The following CEP70 variants were observed in gnomAD, a reference collection of about 807,000 sequenced individuals.
The protein encoded by CEP70 is centrosomal protein 70.
In CEP70, 70 loss-of-function variants were observed where a neutral mutation model predicts 90.9. That is an observed-to-expected ratio of 0.77 (90% CI 0.64 to 0.94). The LOEUF is 0.94. Among genes scored for constraint, CEP70 ranks in the 40% least tolerant of loss-of-function variants. The pLI is 0.00. For synonymous variants in CEP70, 220 were observed against 228.3 expected, an observed-to-expected ratio of 0.96 and a Z score of 0.33; for missense variants, 648 against 669.0, an observed-to-expected ratio of 0.97 and a Z score of 0.35.
chr3:138,523,339 A>G (rs2036872228), intron 11 of CEP70, among the ~76,000 whole-genome samples: 6 of 151,966 alleles, frequency 3.9e-5, no homozygotes, highest in Admixed American at 3.9e-4. Flanking sequence ...CTCTCTCACC[A>G]CTCCTATTCA....
At chr3:138,543,165 G>C (rs939333161) in intron 6 of CEP70, among the ~76,000 whole-genome samples, 31 of 152,120 alleles carry the variant, frequency 2.0e-4, no homozygotes, top group Non-Finnish European at 4.4e-5. Context: ...TTTCACTGAG[G>C]ACCTGCCCCT....
chr3:138,559,706 C>T (rs978964844), intron 6 of CEP70, among the ~76,000 whole-genome samples: 3 of 152,162 alleles, frequency 2.0e-5, no homozygotes, highest in African/African-American at 7.2e-5. Flanking sequence ...GCCTGGGCAA[C>T]AGAGCAAGAC....
chr3:138,531,009 C>T (rs1279093427), intron 8 of CEP70: 6 of 184,920 alleles, frequency 3.2e-5, no homozygotes, highest in Non-Finnish European at 6.1e-5. Context: ...TAATGTATCT[C>T]CTATTTTCTT....
intron 6 of CEP70, among the ~76,000 whole-genome samples, chr3:138,562,024 A>G (rs1292184606): frequency 7.0e-5 from 2 of 28,436 alleles, no homozygotes; most frequent in Admixed American, 1.1e-3. Context: ...CGCCGTCTCA[A>G]AAAAAAAAAA....
intron 11 of CEP70, among the ~76,000 whole-genome samples, chr3:138,509,697 T>A (rs1400981994): frequency 6.6e-6 from 1 of 152,190 alleles, no homozygotes; most frequent in African/African-American, 2.4e-5. Flanking sequence ...TTATTTTATT[T>A]TTTTTTAATG....
intron 11 of CEP70, among the ~76,000 whole-genome samples, 184 bp from the exon 12 acceptor site, chr3:138,508,728 TA>T (rs199819137): frequency 9.9e-5 from 15 of 151,748 alleles, no homozygotes; most frequent in Middle Eastern, 3.4e-3. Context: ...TATATAGAGT[TA>T]AAAAAAATTT....
intron 6 of CEP70, among the ~76,000 whole-genome samples, chr3:138,539,626 CAG>C (rs1475595020): frequency 1.3e-5 from 2 of 151,700 alleles, no homozygotes; most frequent in Admixed American, 1.3e-4. Flanking sequence ...TGAATATAAA[CAG>C]AGAAGAAAAA....
At chr3:138,562,728 C>T (rs1405348969) in intron 6 of CEP70, among the ~76,000 whole-genome samples, 1 of 152,154 alleles carries the variant, frequency 6.6e-6, no homozygotes, top group African/African-American at 2.4e-5. Context: ...AAAGGAACAA[C>T]CAGTACCAGC....
chr3:138,588,516 G>C (rs2042219486), intron 2 of CEP70, among the ~76,000 whole-genome samples: 2 of 152,178 alleles, frequency 1.3e-5, no homozygotes, highest in South Asian at 4.1e-4. Flanking sequence ...AGTCAGGAGG[G>C]AAATGCAAAT....
At chr3:138,547,322 A>G (rs1410391845) in intron 6 of CEP70, among the ~76,000 whole-genome samples, 1 of 152,238 alleles carries the variant, frequency 6.6e-6, no homozygotes, top group Non-Finnish European at 1.5e-5. Context: ...AACTTCAAAT[A>G]GTACTGAACC....
rs2041144972 is a variant in CEP70, at chr3:138,571,122, T to C, written c.196A>G (p.Met66Val). The C allele has an allele frequency of 1.9e-6, 3 of 1,601,192 alleles. No individual in the cohort carries two copies. The highest frequency in any genetic ancestry group is 2.6e-6 in the Non-Finnish European group (3 of 1,169,818). The change falls in exon 5 of 18, where the codon ATG becomes GTG. Residue 66 changes from methionine (M) to valine (V), a missense_variant. Transcript: ENST00000264982. The stretch of plus-strand genomic sequence containing the variant: ...ACCAACAATTTCAAATTCTGTCTCA[T>C]CCTTTGTGATGACTGTTTGTCAAAA... ...IIFDKQSSQRMRQNLKLLVEE... is the reference protein window; with the variant it reads ...IIFDKQSSQRVRQNLKLLVEE...
At chr3:138,504,524 A>T (rs542036631) in intron 13 of CEP70, among the ~76,000 whole-genome samples, 118 of 152,334 alleles carry the variant, frequency 7.7e-4, no homozygotes, top group African/African-American at 2.7e-3. Context: ...TCATGTAATA[A>T]GACTTATGTT....
intron 17 of CEP70, chr3:138,495,683 C>G (rs1451896839): frequency 6.1e-6 from 1 of 163,504 alleles, no homozygotes; most frequent in Non-Finnish European, 1.3e-5. Flanking sequence ...GAAAACCCAC[C>G]TCTACTAAAA....
chr3:138,582,459 G>A (rs555304384), intron 2 of CEP70, among the ~76,000 whole-genome samples: 3 of 136,974 alleles, frequency 2.2e-5, no homozygotes, highest in Non-Finnish European at 3.1e-5. Flanking sequence ...GTGACAGAGC[G>A]AGACTCCATC....
At chr3:138,577,768 A>G (rs1440992040) in intron 2 of CEP70, among the ~76,000 whole-genome samples, 1 of 152,024 alleles carries the variant, frequency 6.6e-6, no homozygotes, top group Non-Finnish European at 1.5e-5. Flanking sequence ...CATATCAGTA[A>G]TTACATTAAT....
intron 13 of CEP70, among the ~76,000 whole-genome samples, chr3:138,503,273 G>T (rs1297467115): frequency 6.6e-6 from 1 of 152,024 alleles, no homozygotes; most frequent in South Asian, 2.1e-4. Context: ...CATATAAGTG[G>T]AATCTTCTTG....
intron 2 of CEP70, among the ~76,000 whole-genome samples, chr3:138,578,463 A>G (rs1408361114): frequency 6.6e-6 from 1 of 152,208 alleles, no homozygotes; most frequent in African/African-American, 2.4e-5. Flanking sequence ...CCTAGAAGAA[A>G]AACAGAAGAT....
At position 138,570,516 on chromosome 3, in the gene CEP70, C is replaced by A. The variant is rs746466891; in HGVS notation, c.285-18G>T. 12 of 1,570,284 alleles carry A rather than the reference C, an allele frequency of 7.6e-6. No homozygotes were observed. Among genetic ancestry groups the A allele is most frequent in the South Asian group, 1.2e-5 (1 of 83,572 alleles). On this transcript the variant is annotated intron_variant, in intron 5 of 17. Transcript: ENST00000264982. ...GTTCATTTCTAAGTTAATAGACATA[C>A]AATTTCTTCCCTTAGTATTAAAAAT... is the stretch of plus-strand genomic sequence containing the variant.
intron 13 of CEP70, among the ~76,000 whole-genome samples, chr3:138,501,771 C>T (rs116000985): frequency 2.0e-5 from 3 of 152,256 alleles, no homozygotes; most frequent in South Asian, 2.1e-4. Context: ...ACTGATCAAT[C>T]GACAAATATT....
Sources: allele counts gnomAD v4.1 joint callset (sites outside exome capture counted in the v4.1 genomes callset), GRCh38; gene constraint gnomAD v4.1.1; transcripts MANE v1.5; gene names NCBI Gene and HGNC (gene_info 2026-07-23, HGNC 2026-07-21).